The following SETBP1 variants were observed in gnomAD, a reference collection of about 807,000 sequenced individuals.
SETBP1 encodes SET-binding protein.
Under a neutral mutation model 101.0 loss-of-function variants are expected in SETBP1, and 9 were observed. The observed-to-expected ratio is 0.09, with a 90% CI of 0.05 to 0.16. The LOEUF (loss-of-function observed/expected upper bound fraction) is 0.16, where lower values mean the gene tolerates loss of function less well. Among genes scored for constraint, SETBP1 ranks in the 10% least tolerant of loss-of-function variants. The probability of loss-of-function intolerance (pLI) is 1.00; values close to 1 mark genes in which losing one functional copy is unlikely to be tolerated. For missense variants in SETBP1, 1,858 were observed against 2,033.8 expected (o/e 0.91, Z 1.66); for synonymous variants, 818 against 788.5 (o/e 1.04, Z -0.63).
intron 3 of SETBP1, among the ~76,000 whole-genome samples, chr18:44,897,690 C>T (rs940823653): frequency 2.6e-5 from 4 of 152,214 alleles, no homozygotes; most frequent in East Asian, 1.9e-4. Context: ...AGTGAGCAGC[C>T]GTGTAACTGG....
chr18:44,789,937 T>C (rs2071336364), intron 2 of SETBP1, among the ~76,000 whole-genome samples: 1 of 152,162 alleles, frequency 6.6e-6, no homozygotes, highest in South Asian at 2.1e-4. Context: ...TCAGAAGTCA[T>C]TGTGTGACAA....
chr18:44,718,514 G>T (rs903075896), intron 2 of SETBP1, among the ~76,000 whole-genome samples: 2 of 152,140 alleles, frequency 1.3e-5, no homozygotes, highest in African/African-American at 4.8e-5. Context: ...ATGGAACCAG[G>T]ATGGCCCTGC....
At chr18:44,871,699 A>T (rs1056837005) in intron 3 of SETBP1, 3 of 152,346 alleles carry the variant, frequency 2.0e-5, no homozygotes, top group African/African-American at 7.2e-5. Context: ...GAGGAAGGTA[A>T]GGAAGTGATT....
intron 2 of SETBP1, among the ~76,000 whole-genome samples, chr18:44,809,053 C>T (rs892097692): frequency 2.0e-5 from 3 of 152,142 alleles, no homozygotes; most frequent in Non-Finnish European, 2.9e-5. Context: ...GAGAATAGTG[C>T]CTTTTTCTAT....
intron 4 of SETBP1, among the ~76,000 whole-genome samples, chr18:45,005,094 A>G (rs893654599): frequency 6.6e-6 from 1 of 152,234 alleles, no homozygotes; most frequent in Non-Finnish European, 1.5e-5. Flanking sequence ...TAATATTATG[A>G]CAAGAGAGAT....
chr18:44,869,047 G>A (rs1239904678), intron 2 of SETBP1, among the ~76,000 whole-genome samples, 183 bp from the exon 3 acceptor site: 2 of 152,190 alleles, frequency 1.3e-5, no homozygotes, highest in Non-Finnish European at 2.9e-5. Flanking sequence ...CAGAGATGGA[G>A]CACAAAGTGG....
intron 2 of SETBP1, among the ~76,000 whole-genome samples, chr18:44,727,186 C>CTGTGTGTGTGTGTGTGTG (rs56695366): frequency 2.3e-3 from 337 of 145,296 alleles, no homozygotes; most frequent in African/African-American, 4.2e-3. Flanking sequence ...TATTTGATCA[C>CTGTGTGTGTGTGTGTGTG]TGTGTGTGTG....
intron 2 of SETBP1, among the ~76,000 whole-genome samples, chr18:44,759,390 GA>G (rs2070585785): frequency 1.3e-5 from 2 of 152,172 alleles, no homozygotes; most frequent in Admixed American, 1.3e-4. Flanking sequence ...ATCCCTCCCT[GA>G]AACCTTAAAT....
At chr18:44,877,965 G>A (rs1175942025) in intron 3 of SETBP1, among the ~76,000 whole-genome samples, 2 of 152,168 alleles carry the variant, frequency 1.3e-5, no homozygotes, top group African/African-American at 4.8e-5. Context: ...GTGCAGGTGG[G>A]CCTGACTTAA....
At chr18:44,768,894 G>A (rs2070816581) in intron 2 of SETBP1, among the ~76,000 whole-genome samples, 1 of 152,236 alleles carries the variant, frequency 6.6e-6, no homozygotes, top group Non-Finnish European at 1.5e-5. Context: ...GTGATAGAGT[G>A]GAATATGGGC....
chr18:44,905,837 T>G (rs1005614823), intron 3 of SETBP1, among the ~76,000 whole-genome samples: 2 of 152,228 alleles, frequency 1.3e-5, no homozygotes, highest in Non-Finnish European at 2.9e-5. Context: ...AGAGGAGTTG[T>G]TTCCTCATAA....
intron 4 of SETBP1, among the ~76,000 whole-genome samples, chr18:44,958,026 C>T (rs140284043): frequency 2.7e-3 from 416 of 152,328 alleles, no homozygotes; most frequent in African/African-American, 9.5e-3. Flanking sequence ...AATCTTATCT[C>T]TCACACTAAC....
intron 2 of SETBP1, among the ~76,000 whole-genome samples, chr18:44,823,020 A>G (rs2072149597): frequency 6.6e-6 from 1 of 152,068 alleles, no homozygotes; most frequent in African/African-American, 2.4e-5. Flanking sequence ...AATCCCAGCT[A>G]CTCAGGAGGC....
intron 2 of SETBP1, among the ~76,000 whole-genome samples, chr18:44,751,096 C>G (rs144776598): frequency 6.6e-6 from 1 of 152,186 alleles, no homozygotes; most frequent in African/African-American, 2.4e-5. Context: ...CACTTACTAT[C>G]TCCTGCAGGA....
intron 5 of SETBP1, among the ~76,000 whole-genome samples, chr18:45,044,004 A>T (rs991357208): frequency 2.6e-5 from 4 of 152,232 alleles, no homozygotes; most frequent in Non-Finnish European, 5.9e-5. Flanking sequence ...AAGAGCAATG[A>T]ACAGGAATTT....
chr18:44,941,076 A>AATTTTTTTTTTTTTTTTTTTTTT (rs1568228554), intron 3 of SETBP1, among the ~76,000 whole-genome samples: 2 of 124,940 alleles, frequency 1.6e-5, no homozygotes, highest in African/African-American at 5.9e-5. Flanking sequence ...GAGAAGTCAG[A>AATTTTTTTTTTTTTTTTTTTTTT]CTTTTTTTTT....
At position 44,951,932 on chromosome 18, in the gene SETBP1, G is replaced by A. The variant is rs372383442; in HGVS notation, c.2592G>A (p.Thr864=). The A allele has an allele frequency of 7.6e-5, 122 of 1,613,892 alleles. No homozygotes were observed. The highest frequency in any genetic ancestry group is 6.3e-4 in the Admixed American group (38 of 59,982). ...SPVSESHSEE[T]IPSDSGIGTD... is the part of the protein sequence containing the mutation. ...TGAGCGAGTCCCACAGTGAGGAGACGATCCCCAGCGACAGCGGCATTGGGA... is the reference window on the plus strand; with the variant it reads ...TGAGCGAGTCCCACAGTGAGGAGACAATCCCCAGCGACAGCGGCATTGGGA... The change falls in exon 4 of 6, where the codon ACG becomes ACA. Residue 864 remains threonine (T), a synonymous_variant. Coordinates refer to ENST00000649279, the MANE Select transcript of SETBP1 (RefSeq NM_015559.3). The surrounding 1 kb of genome is among the most constrained non-coding windows in gnomAD (Gnocchi z 7.8).
intron 2 of SETBP1, among the ~76,000 whole-genome samples, chr18:44,753,647 C>T (rs1461373156): frequency 6.6e-6 from 1 of 152,200 alleles, no homozygotes; most frequent in African/African-American, 2.4e-5. Context: ...ATGACCCAGA[C>T]AGAAATGCTT....
At chr18:44,707,249 A>T (rs1053524205) in intron 2 of SETBP1, among the ~76,000 whole-genome samples, 4 of 152,164 alleles carry the variant, frequency 2.6e-5, no homozygotes, top group African/African-American at 9.7e-5. Flanking sequence ...TGTTTTTTCC[A>T]TACTTTCTCA....
Sources: gnomAD v4.1 joint callset for allele counts (sites outside exome capture counted in the v4.1 genomes callset) on GRCh38, gnomAD v4.1.1 for gene constraint, Gnocchi (gnomAD v3.1) non-coding constraint, MANE v1.5 for transcripts, NCBI Gene and HGNC (gene_info 2026-07-23, HGNC 2026-07-21) for gene names.